The following ZFP62 variants were observed in gnomAD, a reference collection of about 807,000 sequenced individuals.
The protein encoded by ZFP62 is zinc finger protein 62 homolog.
ZFP62 carries 44 observed loss-of-function variants against 56.4 expected under a neutral mutation model. The ratio of observed to expected loss-of-function variants is 0.78; its 90% CI spans 0.61 to 1.00. The LOEUF is 1.00. ZFP62 is among the 50% of genes least tolerant of loss of function. The pLI is 0.00. For missense variants in ZFP62, 1,030 were observed against 1,085.7 expected, an observed-to-expected ratio of 0.95 and a Z score of 0.72; for synonymous variants, 421 against 388.9, an observed-to-expected ratio of 1.08 and a Z score of -0.97.
chr5:180,828,972 G>C, the ZFP62 span, among the ~76,000 whole-genome samples: 1 of 152,262 alleles, frequency 6.6e-6, no homozygotes, highest in Non-Finnish European at 1.5e-5. Context: ...GATAAGGACT[G>C]AGATACGTCC....
intron 1 of ZFP62, 88 bp from the exon 2 acceptor site, chr5:180,851,581 G>C: frequency 7.3e-7 from 1 of 1,371,234 alleles, no homozygotes; most frequent in Non-Finnish European, 9.7e-7. Context: ...ACATTCACTT[G>C]ACAAACATTT....
At position 180,849,695 on chromosome 5, in the gene ZFP62, T is replaced by C. The variant is rs1773578026; in HGVS notation, c.1800A>G (p.Thr600=). 2 of 1,551,822 alleles carry C rather than the reference T, an allele frequency of 1.3e-6. No individual in the cohort carries two copies. The highest frequency in any genetic ancestry group is 2.4e-5 in the East Asian group (1 of 40,906). The change falls in exon 2 of 2, where the codon ACA becomes ACG. Residue 600 remains threonine (T), a synonymous_variant. Coordinates refer to ENST00000502412, the MANE Select transcript of ZFP62 (RefSeq NM_001172638.2). The part of the protein sequence containing the change: ...KCDECEKAFI[T]YRTLTNHKKV... ...TTTTGTGGTTTGTAAGGGTTCGGTA[T>C]GTGATGAAGGCCTTCTCACACTCGT...
At position 180,848,112 on chromosome 5, in the gene ZFP62, T is replaced by G. The variant is rs75887751; in HGVS notation, c.*680A>C. ...AAAAAAGTTTCATCCATTCAACTAA[T>G]GTATCACAATAGTACGTTCATCAAT... On this transcript the variant is annotated 3_prime_UTR_variant, in exon 2 of 2. Transcript: ENST00000502412. The G allele has an allele frequency of 1.0e-6, 1 of 985,350 alleles. No individual in the cohort carries two copies. The highest frequency in any genetic ancestry group is 1.2e-6 in the Non-Finnish European group (1 of 829,956). 61.0% of individuals were successfully genotyped at this position (985,350 alleles called of 1,614,324 possible).
intron 1 of ZFP62, among the ~76,000 whole-genome samples, chr5:180,857,090 C>T (rs1051450287): frequency 1.1e-4 from 16 of 151,904 alleles, no homozygotes; most frequent in African/African-American, 2.9e-4. Context: ...GTTCACCCCC[C>T]GAAGACATCT....
In ZFP62 at chr5:180,849,131, A is replaced by T; in HGVS notation, c.2364T>A (p.Asp788Glu). 6.4e-7 allele frequency: 1 copy of T among 1,561,650 alleles called. No homozygotes were observed. Among genetic ancestry groups the T allele is most frequent in the South Asian group, 1.2e-5 (1 of 84,688 alleles). Residue 788 changes from aspartate (D) to glutamate (E), a missense_variant, in exon 2 of 2, where the codon GAT becomes GAA. By Grantham distance (45) the Asp-to-Glu change is conservative (BLOSUM62 2). Transcript: ENST00000502412. ...GTGAGATGTATGCCTTCCCACACTC[A>T]TCACATTCATAGGGTTTCTCACCTG... ...IHTGEKPYEC[D>E]ECGKAYISHS... is the part of the protein sequence containing the mutation.
the ZFP62 span, among the ~76,000 whole-genome samples, chr5:180,839,213 C>T: frequency 3.6e-3 from 542 of 152,322 alleles, 6 homozygotes; most frequent in African/African-American, 0.012. Context: ...AGCAAAAGCA[C>T]TCATATAAAG....
rs901758710 is a variant in ZFP62 at position 180,849,709 on chromosome 5, T to C, written c.1786A>G (p.Lys596Glu). 6.4e-7 allele frequency: 1 copy of C among 1,551,902 alleles called. No individual in the cohort carries two copies. The highest frequency in any genetic ancestry group is 8.7e-7 in the Non-Finnish European group (1 of 1,147,078). ...AGGGTTCGGTATGTGATGAAGGCCT[T>C]CTCACACTCGTCACACTTAAAGGGC... ...EKPFKCDECE[K>E]AFITYRTLTN... Residue 596 changes from lysine (K) to glutamate (E), a missense_variant, in exon 2 of 2, where the codon AAG (lysine) becomes GAG (glutamate). Transcript: ENST00000502412.
the ZFP62 span, among the ~76,000 whole-genome samples, chr5:180,841,111 C>G: frequency 2.0e-5 from 3 of 151,810 alleles, no homozygotes; most frequent in Non-Finnish European, 4.4e-5. Context: ...TTGAAATGAC[C>G]CCAAAACGTC....
chr5:180,845,186 T>C (rs934130225), downstream of ZFP62, among the ~76,000 whole-genome samples: 2 of 151,768 alleles, frequency 1.3e-5, no homozygotes, highest in African/African-American at 2.4e-5. Context: ...ATACCAAAGT[T>C]AGCCTGGCAT....
downstream of ZFP62, chr5:180,845,566 G>A (rs148692948): frequency 6.6e-6 from 2 of 302,334 alleles, no homozygotes; most frequent in Non-Finnish European, 4.9e-6. Flanking sequence ...AAATGAGAAT[G>A]GCTCCTCAGT....
chr5:180,849,399 G>C lies in ZFP62; in HGVS notation c.2096C>G (p.Thr699Arg). Residue 699 changes from threonine (T) to arginine (R), a missense_variant, in exon 2 of 2, where the codon ACA becomes AGA. Thr to Arg is a moderately conservative substitution (Grantham distance 71). Coordinates refer to ENST00000502412, the MANE Select transcript of ZFP62 (RefSeq NM_001172638.2). ...TCCACATTCATCACATGTATGGGGT[G>C]TCCTGCCAGGGTGGGTACTCTTATG... is the stretch of plus-strand genomic sequence containing the variant. ...INHKSTHPGR[T>R]PHTCDECGKA... The C allele has an allele frequency of 6.4e-7, 1 of 1,550,976 alleles. No individual in the cohort carries two copies. The highest frequency in any genetic ancestry group is 8.7e-7 in the Non-Finnish European group (1 of 1,146,580).
Position 180,851,143 on chromosome 5 carries a change from G to T in ZFP62, c.352C>A (p.Arg118Ser). 5 of 1,551,708 alleles carry T rather than the reference G, an allele frequency of 3.2e-6. No individual in the cohort carries two copies. The highest frequency in any genetic ancestry group is 1.2e-5 in the South Asian group (1 of 84,062). Residue 118 changes from arginine (R) to serine (S), a missense_variant, in exon 2 of 2, where the codon CGT becomes AGT. Physicochemically the swap from Arg to Ser is moderately radical, Grantham distance 110 (BLOSUM62 -1). Transcript: ENST00000502412. Reference protein sequence around the residue: ...IGQRGSEQGKRVENINGTSYP... With the variant: ...IGQRGSEQGKSVENINGTSYP... ...GAGGTTCCATTAATGTTCTCCACAC[G>T]TTTGCCTTGCTCACTGCCTCTCTGT...
Position 180,850,833 on chromosome 5 carries a change from C to A in ZFP62, c.662G>T (p.Gly221Val). ...SLINHKSTHSGEKNCKCDECG... is the reference protein window; with the variant it reads ...SLINHKSTHSVEKNCKCDECG... Reference sequence around the variant, plus strand: ...TTCATCACATTTACAGTTCTTCTCCCCAGAATGGGTGCTTTTGTGGTTTAT... The same window carrying A: ...TTCATCACATTTACAGTTCTTCTCCACAGAATGGGTGCTTTTGTGGTTTAT... The change falls in exon 2 of 2, where the codon GGG becomes GTG. Residue 221 changes from glycine (G) to valine (V), a missense_variant. Physicochemically the swap from Gly to Val is moderately radical, Grantham distance 109 (BLOSUM62 -3). Transcript: ENST00000502412. 2 of 1,565,888 alleles carry A rather than the reference C, an allele frequency of 1.3e-6. No individual in the cohort carries two copies. The highest frequency in any genetic ancestry group is 4.8e-5 in the East Asian group (2 of 41,846).
the ZFP62 span, chr5:180,832,537 A>G: frequency 1.3e-5 from 2 of 152,224 alleles, no homozygotes; most frequent in Non-Finnish European, 1.5e-5. Flanking sequence ...TACAGCAGCA[A>G]TAAGAAATGA....
rs1773560629 is a variant in ZFP62, at chr5:180,849,454, C to G, written c.2041G>C (p.Ala681Pro). The change falls in exon 2 of 2, where the codon GCC (alanine) becomes CCC (proline). Residue 681 changes from alanine to proline, a missense_variant. By Grantham distance (27) the Ala-to-Pro change is conservative (BLOSUM62 -1). Transcript: ENST00000502412. ...ATAAGGCTTGAGTGTGAGATGTAGG[C>G]TTTTCCACACACATCACATTCATAG... ...RPYECDVCGK[A>P]YISHSSLINH... 1 of 1,551,846 alleles carries G rather than the reference C, an allele frequency of 6.4e-7. No individual in the cohort carries two copies. The highest frequency in any genetic ancestry group is 1.4e-5 in the African/African-American group (1 of 73,032).
chr5:180,857,954 A>G (rs983521923), intron 1 of ZFP62, among the ~76,000 whole-genome samples: 5 of 152,178 alleles, frequency 3.3e-5, no homozygotes, highest in African/African-American at 7.2e-5. Flanking sequence ...ATGGAAGTTC[A>G]TAAGAAAAAA....
At chr5:180,842,899 C>T (rs970598123), downstream of ZFP62, among the ~76,000 whole-genome samples, 3 of 151,578 alleles carry the variant, frequency 2.0e-5, no homozygotes, top group Non-Finnish European at 2.9e-5. Context: ...AACAATTAGC[C>T]GGGCATGGTG....
intron 1 of ZFP62, among the ~76,000 whole-genome samples, chr5:180,854,653 G>A (rs566509148): frequency 6.6e-6 from 1 of 152,252 alleles, no homozygotes; most frequent in African/African-American, 2.4e-5. Flanking sequence ...ACCTCCAGAG[G>A]GGCAGATAGA....
Position 180,849,132 on chromosome 5 carries a change from T to C in ZFP62, c.2363A>G (p.Asp788Gly), listed in dbSNP as rs1470197491. The C allele has an allele frequency of 1.9e-6, 3 of 1,561,888 alleles. No homozygotes were observed. The highest frequency in any genetic ancestry group is 8.7e-7 in the Non-Finnish European group (1 of 1,153,206). ...TGAGATGTATGCCTTCCCACACTCATCACATTCATAGGGTTTCTCACCTGT... is the reference window on the plus strand; with the variant it reads ...TGAGATGTATGCCTTCCCACACTCACCACATTCATAGGGTTTCTCACCTGT... Reference protein sequence around the residue: ...IHTGEKPYECDECGKAYISHS... With the variant: ...IHTGEKPYECGECGKAYISHS... The change falls in exon 2 of 2, where the codon GAT becomes GGT. Residue 788 changes from aspartate (D) to glycine (G), a missense_variant. Transcript: ENST00000502412.
Sources: allele counts gnomAD v4.1 joint callset (sites outside exome capture counted in the v4.1 genomes callset), GRCh38; gene constraint gnomAD v4.1.1; transcripts MANE v1.5; gene names NCBI Gene and HGNC (gene_info 2026-07-23, HGNC 2026-07-21).